Variants in GLT1D1 observed in about 807,000 individuals in gnomAD.
GLT1D1 encodes the protein glycosyltransferase 1 domain-containing protein 1.
GLT1D1 carries 21 observed loss-of-function variants against 28.7 expected under a neutral mutation model. The ratio of observed to expected loss-of-function variants is 0.73; its 90% CI spans 0.52 to 1.05. The LOEUF is 1.05. Ranked by LOEUF, GLT1D1 falls within the 50% of genes least tolerant of loss-of-function variation. The pLI is 0.00. For synonymous variants in GLT1D1, 147 were observed against 124.8 expected, an observed-to-expected ratio of 1.18 and a Z score of -1.19; for missense variants, 343 against 330.6, an observed-to-expected ratio of 1.04 and a Z score of -0.29.
At chr12:128,939,106 G>A (rs542867547) in intron 4 of GLT1D1, among the ~76,000 whole-genome samples, 51 of 152,262 alleles carry the variant, frequency 3.3e-4, no homozygotes, top group African/African-American at 1.1e-3. Flanking sequence ...AGATGATGTC[G>A]TGTCACGGTG....
chr12:128,965,893 A>AAAAAT (rs1878412532), intron 7 of GLT1D1, among the ~76,000 whole-genome samples: 1 of 96,734 alleles, frequency 1.0e-5, no homozygotes, highest in South Asian at 3.1e-4. Flanking sequence ...ACCCTGTCTC[A>AAAAAT]AAAATAAAGA....
At chr12:128,980,606 C>A (rs1593223489) in intron 7 of GLT1D1, among the ~76,000 whole-genome samples, 1 of 152,206 alleles carries the variant, frequency 6.6e-6, no homozygotes, top group South Asian at 2.1e-4. Context: ...TCCGAGACGG[C>A]CTCACTCATG....
chr12:128,922,982 A>C (rs1441400691), intron 4 of GLT1D1, among the ~76,000 whole-genome samples: 1 of 151,960 alleles, frequency 6.6e-6, no homozygotes, highest in Non-Finnish European at 1.5e-5. Flanking sequence ...CTACATATTC[A>C]ATGAAAATTG....
In GLT1D1 at chr12:128,939,841, C is replaced by A. The variant is rs932363805; in HGVS notation, c.376-5485C>A. Among the ~76,000 whole-genome samples, 48 of 144,024 alleles carry A rather than the reference C, an allele frequency of 3.3e-4. 1 individual carries two copies. Among genetic ancestry groups the A allele is most frequent in the Non-Finnish European group, 6.5e-4 (43 of 65,766 alleles). 94.5% of individuals were successfully genotyped at this position (144,024 alleles called of 152,430 possible). A position where few individuals can be genotyped will look rare whatever the true frequency, so the allele number is the denominator to read the frequency against. Reference sequence around the variant, plus strand: ...GATGTTGCCAAATTGTTAGAAACCCCCCCCCACCGCCGATCCAATCACCTC... The same window carrying A: ...GATGTTGCCAAATTGTTAGAAACCCACCCCCACCGCCGATCCAATCACCTC... On this transcript the variant is annotated intron_variant, in intron 4 of 7. Coordinates refer to ENST00000281703, the MANE Select transcript of GLT1D1 (RefSeq NM_144669.3).
intron 6 of GLT1D1, among the ~76,000 whole-genome samples, chr12:128,953,497 A>C (rs1876937017): frequency 6.6e-6 from 1 of 152,134 alleles, no homozygotes; most frequent in Non-Finnish European, 1.5e-5. Flanking sequence ...ACTTTTGAGG[A>C]AGTCCAATCT....
chr12:128,896,972 TG>T (rs1256059677), intron 3 of GLT1D1, among the ~76,000 whole-genome samples: 6 of 152,208 alleles, frequency 3.9e-5, no homozygotes, highest in Admixed American at 1.3e-4. Flanking sequence ...GTGAATATAT[TG>T]ATGCAGTTTC....
chr12:128,938,060 T>C (rs470489), intron 4 of GLT1D1, among the ~76,000 whole-genome samples: 20,341 of 152,160 alleles, frequency 0.13, 1,524 homozygotes, highest in South Asian at 0.27. Context: ...GGACAGAAAC[T>C]AGAGAGGCAG....
At chr12:128,891,937 ACATC>A (rs1869107884) in intron 3 of GLT1D1, among the ~76,000 whole-genome samples, 1 of 152,094 alleles carries the variant, frequency 6.6e-6, no homozygotes, top group African/African-American at 2.4e-5. Flanking sequence ...TTGGTTTTCT[ACATC>A]TTAGGGAGAT....
At chr12:128,881,801 A>G (rs142673290) in intron 2 of GLT1D1, among the ~76,000 whole-genome samples, 2 of 151,400 alleles carry the variant, frequency 1.3e-5, no homozygotes, top group African/African-American at 4.9e-5. Context: ...CAATCATATT[A>G]TACTTTTAAT....
At chr12:128,975,511 C>T (rs1044531418) in intron 7 of GLT1D1, among the ~76,000 whole-genome samples, 16 of 152,036 alleles carry the variant, frequency 1.1e-4, no homozygotes, top group Admixed American at 2.6e-4. Flanking sequence ...AGTGCAGTGG[C>T]GCTATCTCAG....
chr12:128,934,971 A>G (rs1042133443), intron 4 of GLT1D1, among the ~76,000 whole-genome samples: 5 of 151,892 alleles, frequency 3.3e-5, no homozygotes, highest in African/African-American at 1.2e-4. Context: ...GGTCCAGGAC[A>G]GGGTCCTGGA....
intron 1 of GLT1D1, 25 bp downstream of exon 1, chr12:128,853,674 C>A: frequency 9.2e-7 from 1 of 1,089,100 alleles, no homozygotes; most frequent in Non-Finnish European, 1.1e-6. Context: ...CCGGGGCCTA[C>A]GAAGCCTGGG....
At position 128,865,126 on chromosome 12, in the gene GLT1D1, C is replaced by T. The variant is rs1047797286; in HGVS notation, c.69-10788C>T. Among the ~76,000 whole-genome samples the T allele has an allele frequency of 2.6e-5, 4 of 152,146 alleles. No homozygotes were observed. In the South Asian group the frequency reaches 6.2e-4, roughly 24 times the overall value. ...TCTTCTCTGCTTCACATCCAACACACGCCGAGGCTTCTGCCAGGACCTGCT... is the reference window on the plus strand; with the variant it reads ...TCTTCTCTGCTTCACATCCAACACATGCCGAGGCTTCTGCCAGGACCTGCT... On this transcript the variant is annotated intron_variant, in intron 1 of 7. Coordinates refer to ENST00000281703, the MANE Select transcript of GLT1D1 (RefSeq NM_144669.3).
At position 128,969,483 on chromosome 12, in the gene GLT1D1, A is replaced by C. The variant is rs565106495; in HGVS notation, c.639+11840A>C. 1.4e-4 allele frequency among the ~76,000 whole-genome samples: 22 copies of C among 152,290 alleles called. No homozygotes were observed. In the South Asian group the frequency reaches 4.1e-3, roughly 29 times the overall value. On this transcript the variant is annotated intron_variant, in intron 7 of 7. Coordinates refer to ENST00000281703, the MANE Select transcript of GLT1D1 (RefSeq NM_144669.3). ...GCCCCTGGCTGACTGTGCAGCCCCT[A>C]GGGCAGGTTTGCCCCGAGCTGGGTG... is the stretch of plus-strand genomic sequence containing the variant.
intron 3 of GLT1D1, among the ~76,000 whole-genome samples, chr12:128,892,020 G>A (rs779053305): frequency 6.6e-6 from 1 of 152,176 alleles, no homozygotes; most frequent in Non-Finnish European, 1.5e-5. Context: ...AACTGGAAGC[G>A]AGGCAGGAAG....
chr12:128,857,166 G>T (rs971720770), intron 1 of GLT1D1, among the ~76,000 whole-genome samples: 2 of 152,142 alleles, frequency 1.3e-5, no homozygotes, highest in Non-Finnish European at 2.9e-5. Flanking sequence ...ACTCAGAGGT[G>T]AATTAATAGA....
At chr12:128,965,110 A>T (rs934364819) in intron 7 of GLT1D1, among the ~76,000 whole-genome samples, 1 of 152,232 alleles carries the variant, frequency 6.6e-6, no homozygotes, top group Non-Finnish European at 1.5e-5. Flanking sequence ...GATTTTGCAG[A>T]TGTGATTAAG....
chr12:128,892,395 CTGT>C (rs2135837257), intron 3 of GLT1D1, among the ~76,000 whole-genome samples: 1 of 152,300 alleles, frequency 6.6e-6, no homozygotes, highest in East Asian at 1.9e-4. Flanking sequence ...TTTCTTATTG[CTGT>C]TGTTCTTTCA....
At chr12:128,950,548 C>T (rs1198160738) in intron 6 of GLT1D1, among the ~76,000 whole-genome samples, 1 of 152,134 alleles carries the variant, frequency 6.6e-6, no homozygotes, top group African/African-American at 2.4e-5. Context: ...GGTTTCCAGC[C>T]CCAGGTATAC....
Sources: allele counts gnomAD v4.1 joint callset (sites outside exome capture counted in the v4.1 genomes callset), GRCh38; gene constraint gnomAD v4.1.1; transcripts MANE v1.5; gene names NCBI Gene and HGNC (gene_info 2026-07-23, HGNC 2026-07-21).